The following OLFM3 variants were observed in gnomAD, a reference collection of about 807,000 sequenced individuals.
OLFM3 encodes noelin-3.
OLFM3 carries 20 observed loss-of-function variants against 48.6 expected under a neutral mutation model. The ratio of observed to expected loss-of-function variants is 0.41; its 90% CI spans 0.29 to 0.60. The LOEUF is 0.60. Ranked by LOEUF, OLFM3 falls within the 20% of genes least tolerant of loss-of-function variation. The pLI, the probability that OLFM3 is intolerant of heterozygous loss-of-function variation, is 0.28. For missense variants in OLFM3, 437 were observed against 544.3 expected (o/e 0.80, Z 1.96); for synonymous variants, 222 against 198.1 (o/e 1.12, Z -1.01).
rs200924384 is a variant in OLFM3 at position 101,828,066 on chromosome 1, G to GTCTCTCTCTCTCTCTC, written c.372+2605_372+2606insGAGAGAGAGAGAGAGA. The stretch of plus-strand genomic sequence containing the variant: ...TGTCTGTCTGTCTCTCTCTCTCTCT[G>GTCTCTCTCTCTCTCTC]TCTCTCTCTCTCTCCTCCTGCCTTG... On this transcript the variant is annotated intron_variant, in intron 3 of 5. Transcript: ENST00000370103. Among the ~76,000 whole-genome samples, 1,081 of 141,850 alleles carry GTCTCTCTCTCTCTCTC rather than the reference G, an allele frequency of 7.6e-3. 12 individuals carry two copies. Among genetic ancestry groups the GTCTCTCTCTCTCTCTC allele is most frequent in the Middle Eastern group, 0.022 (6 of 278 alleles). The allele number at this position is 141,850 out of a possible 152,430, so 93.1% of individuals were successfully genotyped here.
chr1:101,804,528 T>C lies in OLFM3; in HGVS notation c.1087A>G (p.Lys363Glu). 6.2e-7 allele frequency: 1 copy of C among 1,612,716 alleles called. No homozygotes were observed. Among genetic ancestry groups the C allele is most frequent in the Non-Finnish European group, 8.5e-7 (1 of 1,179,166 alleles). The change falls in exon 6 of 6, where the codon AAG (lysine) becomes GAG (glutamate). Residue 363 changes from lysine to glutamate, a missense_variant. Lys to Glu is a moderately conservative substitution (Grantham distance 56). Around this residue, in one of 3 missense-constraint regions of OLFM3, gnomAD observed 108 missense variants for 135.8 expected, o/e 0.80. Transcript: ENST00000370103. This position sits in a 1 kb window ranked among gnomAD's most constrained non-coding sequence, Gnocchi z 4.5. ...QLNQDTLEVM[K>E]SWSTGYPKRS... ...TTGGGGTAGCCAGTGCTCCAGCTCTTCATCACCTCCAAGGTATCTTGGTTA... is the reference window on the plus strand; with the variant it reads ...TTGGGGTAGCCAGTGCTCCAGCTCTCCATCACCTCCAAGGTATCTTGGTTA...
At chr1:101,954,986 A>G (rs1536565) in intron 1 of OLFM3, among the ~76,000 whole-genome samples, 10,992 of 152,096 alleles carry the variant, frequency 0.072, 470 homozygotes, top group South Asian at 0.16. Flanking sequence ...TTACTGCTGG[A>G]GAGGGAAAGG....
intron 1 of OLFM3, among the ~76,000 whole-genome samples, chr1:101,909,670 G>A (rs1377184599): frequency 6.6e-6 from 1 of 152,130 alleles, no homozygotes; most frequent in Non-Finnish European, 1.5e-5. Context: ...AAATATTGAA[G>A]TGCTTATTAT....
intron 1 of OLFM3, among the ~76,000 whole-genome samples, chr1:101,930,258 C>T (rs1324958674): frequency 2.0e-5 from 3 of 152,094 alleles, no homozygotes; most frequent in African/African-American, 7.2e-5. Context: ...AAGTAATCTA[C>T]AGTTTAGTTA....
intron 4 of OLFM3, among the ~76,000 whole-genome samples, chr1:101,809,139 A>C (rs1475508075): frequency 1.3e-5 from 2 of 151,656 alleles, no homozygotes; most frequent in South Asian, 2.1e-4. Context: ...GAATGAAAGG[A>C]GAGAGAAAAA....
At chr1:101,888,213 C>A (rs967692198) in intron 1 of OLFM3, among the ~76,000 whole-genome samples, 12 of 151,988 alleles carry the variant, frequency 7.9e-5, no homozygotes, top group African/African-American at 2.9e-4. Context: ...GCAAAAAGAA[C>A]AAAGCTGGAG....
intron 1 of OLFM3, among the ~76,000 whole-genome samples, chr1:101,872,494 A>C (rs900024026): frequency 6.6e-6 from 1 of 152,034 alleles, no homozygotes; most frequent in East Asian, 1.9e-4. Flanking sequence ...TAAGTGCTAT[A>C]CTTTTCCTTA....
At chr1:101,943,800 G>T (rs965462190) in intron 1 of OLFM3, among the ~76,000 whole-genome samples, 30 of 152,056 alleles carry the variant, frequency 2.0e-4, no homozygotes, top group African/African-American at 5.8e-4. Context: ...ATTTGCACAG[G>T]TATATCTAAA....
At chr1:101,876,729 A>G (rs1657315667) in intron 1 of OLFM3, among the ~76,000 whole-genome samples, 1 of 151,948 alleles carries the variant, frequency 6.6e-6, no homozygotes, top group Non-Finnish European at 1.5e-5. Flanking sequence ...TTATTTTTTA[A>G]TAATAATCAC....
intron 4 of OLFM3, chr1:101,812,810 C>T: frequency 1.0e-6 from 1 of 990,028 alleles, no homozygotes; most frequent in Non-Finnish European, 1.2e-6. Flanking sequence ...GGCTAGTTGA[C>T]TCTTTTATTT....
chr1:101,949,314 A>G (rs888202297), intron 1 of OLFM3, among the ~76,000 whole-genome samples: 8 of 152,124 alleles, frequency 5.3e-5, no homozygotes, highest in African/African-American at 1.9e-4. Flanking sequence ...GCCAAGAAAG[A>G]CAGAAAGGTA....
At chr1:101,987,641 T>C (rs1470832908) in intron 1 of OLFM3, among the ~76,000 whole-genome samples, 3 of 152,142 alleles carry the variant, frequency 2.0e-5, no homozygotes, top group Non-Finnish European at 4.4e-5. Context: ...GACATTTTGG[T>C]GCTAGTTAAT....
At chr1:101,948,207 T>G (rs373847767) in intron 1 of OLFM3, among the ~76,000 whole-genome samples, 1 of 152,196 alleles carries the variant, frequency 6.6e-6, no homozygotes, top group African/African-American at 2.4e-5. Context: ...GATTTTAATG[T>G]CAGTTCTGTC....
chr1:101,952,231 T>G (rs1012393486), intron 1 of OLFM3, among the ~76,000 whole-genome samples: 1 of 152,174 alleles, frequency 6.6e-6, no homozygotes, highest in Non-Finnish European at 1.5e-5. Context: ...TTCTCCTTTT[T>G]TGGACTGACT....
chr1:101,805,545 T>C (rs1570495765), intron 5 of OLFM3, among the ~76,000 whole-genome samples: 1 of 151,956 alleles, frequency 6.6e-6, no homozygotes, highest in African/African-American at 2.4e-5. Context: ...TATTGATTTA[T>C]ATAGCACAGG....
At chr1:101,957,560 C>A (rs1372916302) in intron 1 of OLFM3, among the ~76,000 whole-genome samples, 1 of 151,932 alleles carries the variant, frequency 6.6e-6, no homozygotes, top group Non-Finnish European at 1.5e-5. Context: ...AATTTCATAG[C>A]CAAATGTGAC....
chr1:101,818,931 A>G (rs377488962), intron 4 of OLFM3, among the ~76,000 whole-genome samples: 1 of 152,280 alleles, frequency 6.6e-6, no homozygotes, highest in South Asian at 2.1e-4. Context: ...GGTATATTGC[A>G]ATGGTCTCCA....
chr1:101,839,733 A>G (rs1655614766), intron 1 of OLFM3, among the ~76,000 whole-genome samples: 1 of 152,188 alleles, frequency 6.6e-6, no homozygotes, highest in Non-Finnish European at 1.5e-5. Context: ...CTCTGGAACC[A>G]GGGAAGTGGG....
At chr1:101,819,029 A>T (rs964179728) in intron 4 of OLFM3, among the ~76,000 whole-genome samples, 1 of 152,132 alleles carries the variant, frequency 6.6e-6, no homozygotes, top group Non-Finnish European at 1.5e-5. Context: ...AAACAGAAAA[A>T]CAAATGGGCA....
Sources: gnomAD v4.1 joint callset for allele counts (sites outside exome capture counted in the v4.1 genomes callset) on GRCh38, gnomAD v4.1.1 for gene constraint, gnomAD v4.1.1 regional missense constraint, Gnocchi (gnomAD v3.1) non-coding constraint, MANE v1.5 for transcripts, NCBI Gene and HGNC (gene_info 2026-07-23, HGNC 2026-07-21) for gene names.